The following LRRC39 variants were observed in gnomAD, a reference collection of about 807,000 sequenced individuals.
LRRC39 encodes the protein leucine-rich repeat-containing protein 39.
Under a neutral mutation model 39.7 loss-of-function variants are expected in LRRC39, and 35 were observed. The observed-to-expected ratio is 0.88, with a 90% CI of 0.67 to 1.17. The LOEUF (loss-of-function observed/expected upper bound fraction) is 1.17, where lower values mean the gene tolerates loss of function less well. LRRC39 is among the 50% of genes most tolerant of loss of function. The pLI is 0.00. For missense variants in LRRC39, 357 were observed against 385.8 expected (o/e 0.93, Z 0.62); for synonymous variants, 113 against 134.1 (o/e 0.84, Z 1.09).
chr1:100,167,451 G>A (rs1395532174), intron 3 of LRRC39, among the ~76,000 whole-genome samples: 6 of 152,168 alleles, frequency 3.9e-5, no homozygotes, highest in East Asian at 1.9e-4. Flanking sequence ...AACTGACATC[G>A]GCAAATAACA....
rs1292004101 is a variant in LRRC39 at position 100,149,263 on chromosome 1, A to G, written c.953-166T>C. ...ATCTGAGAATTTGACTTATATGTGG[A>G]CATTTTTCCCTACAGATCTGGAAAG... On this transcript the variant is annotated intron_variant, in intron 9 of 9. Coordinates refer to ENST00000370137, the MANE Select transcript of LRRC39 (RefSeq NM_144620.4). The G allele has an allele frequency of 7.9e-6, 12 of 1,515,616 alleles. No homozygotes were observed. The South Asian group carries it at 1.5e-4, about 18-fold the overall frequency. The allele number at this position is 1,515,616 out of a possible 1,614,324, so 93.9% of individuals were successfully genotyped here. A position where few individuals can be genotyped will look rare whatever the true frequency, so the allele number is the denominator to read the frequency against.
Position 100,148,623 on chromosome 1 carries a change from A to G in LRRC39, c.*419T>C, listed in dbSNP as rs771375644. On this transcript the variant is annotated 3_prime_UTR_variant, in exon 10 of 10. Transcript: ENST00000370137. Reference sequence around the variant, plus strand: ...TGTTTTGTGTGTGTTTATTCAATTTAGGCTTCTTAGTGTTGAAGAAAAGAA... The same window carrying G: ...TGTTTTGTGTGTGTTTATTCAATTTGGGCTTCTTAGTGTTGAAGAAAAGAA... The G allele has an allele frequency of 6.3e-7, 1 of 1,596,884 alleles. No homozygotes were observed. The highest frequency in any genetic ancestry group is 8.5e-7 in the Non-Finnish European group (1 of 1,175,266).
intron 2 of LRRC39, among the ~76,000 whole-genome samples, chr1:100,169,297 A>G (rs1659443691): frequency 6.6e-6 from 1 of 152,088 alleles, no homozygotes; most frequent in Admixed American, 6.5e-5. Context: ...CTTCTATTCA[A>G]CATTATAGGA....
intron 2 of LRRC39, among the ~76,000 whole-genome samples, chr1:100,170,158 A>G (rs1659498620): frequency 6.6e-6 from 1 of 152,238 alleles, no homozygotes; most frequent in Non-Finnish European, 1.5e-5. Context: ...AACAGAAATG[A>G]AAACATATGT....
chr1:100,167,806 A>AATAATAATAAT (rs1659349010), intron 3 of LRRC39, among the ~76,000 whole-genome samples: 1 of 146,248 alleles, frequency 6.8e-6, no homozygotes, highest in South Asian at 2.1e-4. Context: ...TAATAATAAT[A>AATAATAATAAT]ATAATAATAA....
intron 2 of LRRC39, among the ~76,000 whole-genome samples, chr1:100,171,058 A>G (rs1027069679): frequency 3.9e-5 from 6 of 152,238 alleles, no homozygotes; most frequent in Non-Finnish European, 8.8e-5. Flanking sequence ...AAACAACTTT[A>G]AACTACATGC....
intron 4 of LRRC39, 126 bp from the exon 5 acceptor site, chr1:100,159,541 G>T: frequency 1.6e-6 from 1 of 634,888 alleles, no homozygotes; most frequent in Non-Finnish European, 2.3e-6. Context: ...TCCTTAGTGG[G>T]TTACTTTTCC....
At chr1:100,172,188 T>A (rs1175405771) in intron 2 of LRRC39, among the ~76,000 whole-genome samples, 1 of 151,974 alleles carries the variant, frequency 6.6e-6, no homozygotes, top group Non-Finnish European at 1.5e-5. Context: ...GGGTAAAAAA[T>A]AACACTAATC....
intron 3 of LRRC39, 34 bp from the exon 4 acceptor site, chr1:100,160,605 C>A (rs1470261398): frequency 1.0e-5 from 15 of 1,469,442 alleles, no homozygotes; most frequent in Non-Finnish European, 1.4e-5. Context: ...AGTTCATAGA[C>A]AATTACATAA....
Position 100,156,405 on chromosome 1 carries a change from C to T in LRRC39, c.514-88G>A, listed in dbSNP as rs917521302. On this transcript the variant is annotated intron_variant, in intron 6 of 9. Transcript: ENST00000370137. Reference sequence around the variant, plus strand: ...CATTGGTAAAGGAGATATTTCACATCCAGGAATATTCACATTTTACTTGGG... The same window carrying T: ...CATTGGTAAAGGAGATATTTCACATTCAGGAATATTCACATTTTACTTGGG... 8.1e-5 allele frequency: 101 copies of T among 1,252,056 alleles called. No individual in the cohort carries two copies. The African/African-American group carries it at 1.4e-3, about 18-fold the overall frequency. The allele number at this position is 1,252,056 out of a possible 1,614,324, so 77.6% of individuals were successfully genotyped here. A position where few individuals can be genotyped will look rare whatever the true frequency, so the allele number is the denominator to read the frequency against.
Position 100,155,188 on chromosome 1 carries a change from A to AT in LRRC39, c.674dup (p.His225GlnfsTer9), listed in dbSNP as rs1658373621. ...TTTCATTTCGTTGCAGCCATAACGT[A>AT]TGTAGATTTTGCATTCTGAAAAATT... is the stretch of plus-strand genomic sequence containing the variant. On this transcript the variant is annotated frameshift_variant, in exon 8 of 10. Transcript: ENST00000370137. LOFTEE classifies it high-confidence loss of function. 9.4e-6 allele frequency: 15 copies of AT among 1,587,816 alleles called. No homozygotes were observed. Among genetic ancestry groups the AT allele is most frequent in the Non-Finnish European group, 1.3e-5 (15 of 1,172,452 alleles).
Position 100,156,226 on chromosome 1 carries a change from T to C in LRRC39, c.605A>G (p.Glu202Gly), listed in dbSNP as rs2101769872. ...PLAVLNMPAL[E>G]WLDMGSNKLE... ...TTTGTTGCTTCCCATGTCCAGCCAC[T>C]CAAGGGCAGGCATGTTCAACACAGC... The change falls in exon 7 of 10, where the codon GAG (glutamate) becomes GGG (glycine). Residue 202 changes from glutamate (E) to glycine (G), a missense_variant. Coordinates refer to ENST00000370137, the MANE Select transcript of LRRC39 (RefSeq NM_144620.4). 1 of 1,614,022 alleles carries C rather than the reference T, an allele frequency of 6.2e-7. No individual in the cohort carries two copies. Among genetic ancestry groups the C allele is most frequent in the East Asian group, 2.2e-5 (1 of 44,874 alleles).
intron 7 of LRRC39, 81 bp from the exon 8 acceptor site, chr1:100,155,284 G>T: frequency 8.0e-7 from 1 of 1,250,396 alleles, no homozygotes. Context: ...AATTTTAAGA[G>T]GTAGGGGTCT....
chr1:100,165,705 T>C (rs1659188231), intron 3 of LRRC39, among the ~76,000 whole-genome samples: 1 of 152,020 alleles, frequency 6.6e-6, no homozygotes, highest in South Asian at 2.1e-4. Context: ...GGTGATATGG[T>C]TTTGCTATGT....
At chr1:100,157,092 C>T (rs548113294) in intron 6 of LRRC39, among the ~76,000 whole-genome samples, 1 of 152,246 alleles carries the variant, frequency 6.6e-6, no homozygotes, top group South Asian at 2.1e-4. Context: ...TTTATTGGCC[C>T]TCTTGTATGT....
intron 3 of LRRC39, among the ~76,000 whole-genome samples, chr1:100,162,269 T>TA (rs1658938464): frequency 6.6e-6 from 1 of 152,202 alleles, no homozygotes; most frequent in Non-Finnish European, 1.5e-5. Context: ...TAAAAATGTA[T>TA]AAAATCTTTG....
At chr1:100,162,425 C>T (rs1296450018) in intron 3 of LRRC39, among the ~76,000 whole-genome samples, 1 of 151,822 alleles carries the variant, frequency 6.6e-6, no homozygotes, top group Non-Finnish European at 1.5e-5. Context: ...AATGCTGAGG[C>T]AGGTGGAGTT....
chr1:100,169,715 C>G (rs1659472919), intron 2 of LRRC39, among the ~76,000 whole-genome samples: 1 of 151,878 alleles, frequency 6.6e-6, no homozygotes, highest in Non-Finnish European at 1.5e-5. Flanking sequence ...TATTTGGGTC[C>G]CAGAGCTTTG....
At chr1:100,174,267 C>T (rs1195775037) in intron 1 of LRRC39, among the ~76,000 whole-genome samples, 1 of 151,898 alleles carries the variant, frequency 6.6e-6, no homozygotes, top group Non-Finnish European at 1.5e-5. Context: ...GAAACAGACT[C>T]ATATACACAT....
Sources: gnomAD v4.1 joint callset for allele counts (sites outside exome capture counted in the v4.1 genomes callset) on GRCh38, gnomAD v4.1.1 for gene constraint, MANE v1.5 for transcripts, NCBI Gene and HGNC (gene_info 2026-07-23, HGNC 2026-07-21) for gene names.